The following CYTH1 variants were observed in gnomAD, a reference collection of about 807,000 sequenced individuals.
The protein encoded by CYTH1 is cytohesin 1.
A neutral mutation model predicts 61.8 loss-of-function variants in CYTH1; 18 were observed. The observed-to-expected ratio is 0.29, with a 90% CI of 0.20 to 0.43. CYTH1 has a LOEUF of 0.43. Among genes scored for constraint, CYTH1 ranks in the 20% least tolerant of loss-of-function variants. The pLI, the probability that CYTH1 is intolerant of heterozygous loss-of-function variation, is 1.00. For missense variants in CYTH1, 336 were observed against 510.5 expected (o/e 0.66, Z 3.29); for synonymous variants, 174 against 184.3 (o/e 0.94, Z 0.45).
chr17:78,731,787 AAAAAGG>A (rs978345475), intron 1 of CYTH1, among the ~76,000 whole-genome samples: 1 of 152,052 alleles, frequency 6.6e-6, no homozygotes. Flanking sequence ...AAAAACAAAT[AAAAAGG>A]AAATCTCAGC....
At chr17:78,691,633 T>C (rs2092887317) in intron 11 of CYTH1, 1 of 152,188 alleles carries the variant, frequency 6.6e-6, no homozygotes, top group South Asian at 2.1e-4. Context: ...TTCGATGCCA[T>C]GGGAGTATGC....
chr17:78,760,384 T>TATATATATATATATATATATAC (rs751494741), intron 1 of CYTH1, among the ~76,000 whole-genome samples: 1 of 51,398 alleles, frequency 1.9e-5, no homozygotes, highest in African/African-American at 7.9e-5. Flanking sequence ...TATATATATA[T>TATATATATATATATATATATAC]ACACACACAT....
intron 1 of CYTH1, among the ~76,000 whole-genome samples, chr17:78,763,020 C>T (rs1034340661): frequency 3.3e-5 from 5 of 152,066 alleles, no homozygotes; most frequent in Admixed American, 2.0e-4. Context: ...AATGTCCGTC[C>T]GGCTGCTTTC....
chr17:78,764,202 T>C (rs1038153281), intron 1 of CYTH1, among the ~76,000 whole-genome samples: 2 of 151,734 alleles, frequency 1.3e-5, no homozygotes, highest in African/African-American at 4.8e-5. Context: ...AAATGTCTTT[T>C]TTTTTTTTTT....
chr17:78,753,031 C>T lies in CYTH1; in HGVS notation c.22+29171G>A, dbSNP rs552975407. Among the ~76,000 whole-genome samples, 4 of 152,282 alleles carry T rather than the reference C, an allele frequency of 2.6e-5. No individual in the cohort carries two copies. In the East Asian group the frequency reaches 5.8e-4, roughly 22 times the overall value. ...AATCTCCCCCAAAGGTTTACTCTTC[C>T]TTTTCCCAAAGTCTTAAGGCACATG... On this transcript the variant is annotated intron_variant, in intron 1 of 13. Coordinates refer to ENST00000446868, the MANE Select transcript of CYTH1 (RefSeq NM_004762.6).
chr17:78,747,040 A>C (rs989640339), intron 1 of CYTH1, among the ~76,000 whole-genome samples: 1 of 151,848 alleles, frequency 6.6e-6, no homozygotes, highest in African/African-American at 2.4e-5. Flanking sequence ...GAACTGTGCC[A>C]AGCACTATGT....
chr17:78,772,486 G>C (rs1485490854), intron 1 of CYTH1, among the ~76,000 whole-genome samples: 1 of 152,164 alleles, frequency 6.6e-6, no homozygotes, highest in Non-Finnish European at 1.5e-5. Flanking sequence ...ATTTAGAAAG[G>C]AGCAGGTATG....
intron 1 of CYTH1, among the ~76,000 whole-genome samples, chr17:78,713,101 A>ATT (rs1050752364): frequency 1.3e-5 from 2 of 151,610 alleles, no homozygotes; most frequent in African/African-American, 4.9e-5. Flanking sequence ...ATATATATAT[A>ATT]TTAAAATGGC....
intron 2 of CYTH1, 171 bp downstream of exon 2, chr17:78,709,479 C>T (rs2093105137): frequency 1.6e-6 from 1 of 630,536 alleles, no homozygotes; most frequent in Admixed American, 3.1e-5. Context: ...TGCATCTCCT[C>T]AGCTGTAGAG....
At chr17:78,735,471 G>GC (rs1464617066) in intron 1 of CYTH1, among the ~76,000 whole-genome samples, 1 of 152,190 alleles carries the variant, frequency 6.6e-6, no homozygotes, top group East Asian at 1.9e-4. Flanking sequence ...AGTTAGAAAA[G>GC]CACCAAGCAG....
intron 1 of CYTH1, among the ~76,000 whole-genome samples, chr17:78,742,591 G>A (rs549625864): frequency 1.3e-5 from 2 of 152,202 alleles, no homozygotes; most frequent in African/African-American, 2.4e-5. Context: ...GCTGGCTCAC[G>A]CCTGTAATTC....
intron 1 of CYTH1, among the ~76,000 whole-genome samples, chr17:78,716,221 T>A (rs2093179272): frequency 6.6e-6 from 1 of 152,104 alleles, no homozygotes; most frequent in Non-Finnish European, 1.5e-5. Context: ...CTAGAAGACC[T>A]AAAAGCAGAA....
intron 1 of CYTH1, among the ~76,000 whole-genome samples, chr17:78,762,293 C>T (rs138504816): frequency 3.0e-4 from 45 of 152,244 alleles, no homozygotes; most frequent in African/African-American, 9.2e-4. Flanking sequence ...GTGGAAAGGG[C>T]GGCTTTTTTG....
intron 13 of CYTH1, chr17:78,677,098 C>T (rs1253482047): frequency 2.2e-6 from 1 of 455,930 alleles, no homozygotes; most frequent in South Asian, 1.5e-5. Flanking sequence ...TCCGCAGCTC[C>T]CCGGGGAATG....
At chr17:78,682,613 C>T (rs1388065068) in intron 11 of CYTH1, among the ~76,000 whole-genome samples, 1 of 152,174 alleles carries the variant, frequency 6.6e-6, no homozygotes, top group Admixed American at 6.5e-5. Context: ...TCTCACTTGG[C>T]TAAGAATGTT....
At chr17:78,757,997 A>T (rs989783291) in intron 1 of CYTH1, among the ~76,000 whole-genome samples, 2 of 152,212 alleles carry the variant, frequency 1.3e-5, no homozygotes, top group Non-Finnish European at 2.9e-5. Context: ...ATATACTGGT[A>T]TGAGGTGTAA....
At chr17:78,679,671 G>A (rs1438934259) in intron 13 of CYTH1, among the ~76,000 whole-genome samples, 2 of 152,196 alleles carry the variant, frequency 1.3e-5, no homozygotes, top group Non-Finnish European at 2.9e-5. Flanking sequence ...CTGGACTTGG[G>A]AGCTCCACTT....
intron 1 of CYTH1, among the ~76,000 whole-genome samples, chr17:78,770,355 G>GAAAAA (rs35531159): frequency 1.6e-5 from 2 of 128,326 alleles, no homozygotes; most frequent in African/African-American, 2.9e-5. Flanking sequence ...GAAAAGAAAA[G>GAAAAA]AAAAAAAAAA....
chr17:78,762,480 A>C (rs957293699), intron 1 of CYTH1, among the ~76,000 whole-genome samples: 2 of 152,244 alleles, frequency 1.3e-5, no homozygotes, highest in Non-Finnish European at 2.9e-5. Flanking sequence ...GAAACATTCC[A>C]TGGGCAAAGG....
Sources: gnomAD v4.1 joint callset for allele counts (sites outside exome capture counted in the v4.1 genomes callset) on GRCh38, gnomAD v4.1.1 for gene constraint, MANE v1.5 for transcripts, NCBI Gene and HGNC (gene_info 2026-07-23, HGNC 2026-07-21) for gene names.